Variants in ANGPT1 observed in about 807,000 individuals in gnomAD.
The protein encoded by ANGPT1 is angiopoietin 1.
ANGPT1 carries 17 observed loss-of-function variants against 62.2 expected under a neutral mutation model. That is an observed-to-expected ratio of 0.27 (90% CI 0.19 to 0.41). The LOEUF is 0.41. Ranked by LOEUF, ANGPT1 falls within the 10% of genes least tolerant of loss-of-function variation. The pLI, the probability that ANGPT1 is intolerant of heterozygous loss-of-function variation, is 1.00. For missense variants in ANGPT1, 478 were observed against 594.9 expected, an observed-to-expected ratio of 0.80 and a Z score of 2.04; for synonymous variants, 199 against 198.9, an observed-to-expected ratio of 1.00 and a Z score of 0.00.
At chr8:107,415,459 G>A (rs1252488147) in intron 1 of ANGPT1, among the ~76,000 whole-genome samples, 1 of 152,106 alleles carries the variant, frequency 6.6e-6, no homozygotes, top group Non-Finnish European at 1.5e-5. Context: ...ATAGAGCTCT[G>A]TATGTCAAAC....
chr8:107,356,007 G>A (rs1476906516), intron 1 of ANGPT1, among the ~76,000 whole-genome samples: 4 of 152,144 alleles, frequency 2.6e-5, no homozygotes, highest in Non-Finnish European at 5.9e-5. Context: ...ATGCATAAAT[G>A]AATTTGTGTA....
intron 1 of ANGPT1, among the ~76,000 whole-genome samples, chr8:107,407,057 C>G (rs1020866509): frequency 6.6e-6 from 1 of 152,096 alleles, no homozygotes; most frequent in Admixed American, 6.6e-5. Flanking sequence ...CATTCTTAGA[C>G]CTTGGACAAT....
intron 1 of ANGPT1, among the ~76,000 whole-genome samples, chr8:107,408,990 T>C (rs1030953746): frequency 2.0e-5 from 3 of 152,192 alleles, no homozygotes; most frequent in Non-Finnish European, 4.4e-5. Flanking sequence ...CATTCATTCA[T>C]TCAGCAAATA....
intron 1 of ANGPT1, among the ~76,000 whole-genome samples, chr8:107,448,600 T>C (rs1321423921): frequency 2.0e-5 from 3 of 152,104 alleles, no homozygotes; most frequent in Non-Finnish European, 4.4e-5. Flanking sequence ...TGGAATTTGA[T>C]AGGACTGGCA....
chr8:107,416,582 G>A (rs893509739), intron 1 of ANGPT1, among the ~76,000 whole-genome samples: 2 of 152,042 alleles, frequency 1.3e-5, no homozygotes, highest in African/African-American at 4.8e-5. Context: ...AAACCTCATT[G>A]GACAGGCAGG....
intron 7 of ANGPT1, among the ~76,000 whole-genome samples, chr8:107,269,093 C>T (rs1384040956): frequency 6.6e-6 from 1 of 152,010 alleles, no homozygotes; most frequent in African/African-American, 2.4e-5. Flanking sequence ...CACATGAGGA[C>T]AACTGTACTT....
At chr8:107,353,286 A>G (rs1340773658) in intron 1 of ANGPT1, among the ~76,000 whole-genome samples, 1 of 152,196 alleles carries the variant, frequency 6.6e-6, no homozygotes, top group Non-Finnish European at 1.5e-5. Flanking sequence ...CAGAGAGGTT[A>G]TAGAAAGCAA....
At chr8:107,320,906 T>A (rs960824827) in intron 4 of ANGPT1, among the ~76,000 whole-genome samples, 1 of 152,158 alleles carries the variant, frequency 6.6e-6, no homozygotes, top group Admixed American at 6.5e-5. Flanking sequence ...AGCCTCCCCA[T>A]GTGTACATTG....
At chr8:107,400,055 G>T (rs1260188233) in intron 1 of ANGPT1, among the ~76,000 whole-genome samples, 1 of 152,116 alleles carries the variant, frequency 6.6e-6, no homozygotes, top group African/African-American at 2.4e-5. Context: ...TAACATGTAG[G>T]TATTTATTAA....
chr8:107,337,107 A>G (rs1335631797), intron 2 of ANGPT1, among the ~76,000 whole-genome samples: 2 of 152,230 alleles, frequency 1.3e-5, no homozygotes, highest in Non-Finnish European at 2.9e-5. Context: ...AGAAATTGTT[A>G]TCATCACTTT....
chr8:107,433,480 G>C (rs537874858), intron 1 of ANGPT1, among the ~76,000 whole-genome samples: 6 of 152,130 alleles, frequency 3.9e-5, no homozygotes, highest in African/African-American at 1.4e-4. Flanking sequence ...ATTGAGTAAA[G>C]TATTAAAAGC....
chr8:107,263,619 T>G (rs1334215414), intron 8 of ANGPT1, among the ~76,000 whole-genome samples: 1 of 152,092 alleles, frequency 6.6e-6, no homozygotes, highest in African/African-American at 2.4e-5. Flanking sequence ...TGTGGGGCTA[T>G]CAGAAGGCTG....
In ANGPT1 at chr8:107,336,143, T is replaced by A. The variant is rs2130119502; in HGVS notation, c.575+7A>T. On this transcript the variant is annotated splice_region_variant and intron_variant, in intron 3 of 8. Coordinates refer to ENST00000517746, the MANE Select transcript of ANGPT1 (RefSeq NM_001146.5). ...CAGAAACATTTTTGGAATAAAGCAA[T>A]CCTCACCTGTTTTTTTCATGGATCT... 1 of 1,598,804 alleles carries A rather than the reference T, an allele frequency of 6.3e-7. No individual in the cohort carries two copies. The highest frequency in any genetic ancestry group is 1.8e-5 in the Admixed American group (1 of 55,852).
At chr8:107,444,872 AAAC>A (rs1811573288) in intron 1 of ANGPT1, among the ~76,000 whole-genome samples, 1 of 152,180 alleles carries the variant, frequency 6.6e-6, no homozygotes, top group African/African-American at 2.4e-5. Flanking sequence ...TCCAGAGACC[AAAC>A]AACAAACCAA....
Position 107,316,153 on chromosome 8 carries a change from T to C in ANGPT1, c.808+5743A>G, listed in dbSNP as rs75277796. Among the ~76,000 whole-genome samples the C allele has an allele frequency of 4.8e-3, 736 of 152,322 alleles. 11 individuals are homozygous for C. Among genetic ancestry groups the C allele is most frequent in the African/African-American group, 0.017 (715 of 41,580 alleles). On this transcript the variant is annotated intron_variant, in intron 4 of 8. Transcript: ENST00000517746. The stretch of plus-strand genomic sequence containing the variant: ...CTAGGAAGTCATTATTTCTTGCTGA[T>C]TCTAATTTTTCTATTTTTACAAATT...
chr8:107,402,415 T>C (rs1817064857), intron 1 of ANGPT1, among the ~76,000 whole-genome samples: 1 of 152,332 alleles, frequency 6.6e-6, no homozygotes, highest in African/African-American at 2.4e-5. Context: ...CTCAGACTTA[T>C]TATTCATTTC....
rs570329969 is a variant in ANGPT1, at chr8:107,430,524, C to G, written c.297+66738G>C. On this transcript the variant is annotated intron_variant, in intron 1 of 8. Transcript: ENST00000517746. The stretch of plus-strand genomic sequence containing the variant: ...ATCCGTGTGGTAGGCTAAATAATGT[C>G]CCCCTTCTAAACCTTGGAACTTGTG... Among the ~76,000 whole-genome samples the G allele has an allele frequency of 7.2e-4, 109 of 152,266 alleles. No homozygotes were observed. In the Middle Eastern group the frequency reaches 0.024, roughly 33 times the overall value.
intron 2 of ANGPT1, among the ~76,000 whole-genome samples, chr8:107,344,579 G>T (rs535360793): frequency 6.6e-6 from 1 of 152,212 alleles, no homozygotes. Flanking sequence ...ATTTTGTTAA[G>T]TCATAAATCT....
chr8:107,484,137 T>C (rs1377180898), intron 1 of ANGPT1, among the ~76,000 whole-genome samples: 1 of 152,136 alleles, frequency 6.6e-6, no homozygotes, highest in Non-Finnish European at 1.5e-5. Context: ...CATTCAGAAT[T>C]TGTTGTAATT....
Sources: allele counts gnomAD v4.1 joint callset (sites outside exome capture counted in the v4.1 genomes callset), GRCh38; gene constraint gnomAD v4.1.1; transcripts MANE v1.5; gene names NCBI Gene and HGNC (gene_info 2026-07-23, HGNC 2026-07-21).